The following TCF7L2 variants were observed in gnomAD, a reference collection of about 807,000 sequenced individuals.
TCF7L2 encodes the protein transcription factor 7 like 2, also known as transcription factor 7-like 2.
Under a neutral mutation model 77.9 loss-of-function variants are expected in TCF7L2, and 23 were observed. The observed-to-expected ratio is 0.30, with a 90% CI of 0.21 to 0.42. The LOEUF (loss-of-function observed/expected upper bound fraction) is 0.42. Ranked by LOEUF, TCF7L2 falls within the 10% of genes least tolerant of loss-of-function variation. The pLI is 1.00. For missense variants in TCF7L2, 654 were observed against 793.1 expected (o/e 0.82, Z 2.11); for synonymous variants, 413 against 340.2 (o/e 1.21, Z -2.36).
rs1330493655 is a variant in TCF7L2, at chr10:113,146,080, C to G, written c.858C>G (p.Val286=). The change falls in exon 8 of 14, where the codon GTC becomes GTG. Residue 286 remains valine, a synonymous_variant. Coordinates refer to ENST00000627217, the MANE Select transcript of TCF7L2 (RefSeq NM_001146274.2). ...ACCCCTACCCCACAGCTCTGACCGT[C>G]AATGCTTCCATGTCCAGGTGAGTTC... 1 of 1,613,722 alleles carries G rather than the reference C, an allele frequency of 6.2e-7. No individual in the cohort carries two copies. The highest frequency in any genetic ancestry group is 1.1e-5 in the South Asian group (1 of 91,034).
intron 5 of TCF7L2, chr10:113,132,943 A>C (rs2066831603): frequency 6.6e-6 from 1 of 152,228 alleles, no homozygotes; most frequent in Admixed American, 6.5e-5. Context: ...ACGCTGCCGG[A>C]GGGAGGCAGA....
rs114393264 is a variant in TCF7L2 at position 113,021,473 on chromosome 10, A to T, written c.451-18552A>T. Among the ~76,000 whole-genome samples the T allele has an allele frequency of 9.4e-3, 1,426 of 152,322 alleles. 19 individuals are homozygous for T. The highest frequency in any genetic ancestry group is 0.033 in the African/African-American group (1,352 of 41,556). Reference sequence around the variant, plus strand: ...ATGAGGCAATTACCAACTTTGGAATAAGAATAGCAACGGTGGTAAGAGCTG... The same window carrying T: ...ATGAGGCAATTACCAACTTTGGAATTAGAATAGCAACGGTGGTAAGAGCTG... On this transcript the variant is annotated intron_variant, in intron 4 of 13. Transcript: ENST00000627217.
At chr10:113,138,631 G>A (rs2067808863) in intron 5 of TCF7L2, among the ~76,000 whole-genome samples, 1 of 152,162 alleles carries the variant, frequency 6.6e-6, no homozygotes, top group East Asian at 1.9e-4. Context: ...ATAAACCACT[G>A]TAATAGATAA....
rs533049331 is a variant in TCF7L2, at chr10:113,035,048, G to T, written c.451-4977G>T. Among the ~76,000 whole-genome samples the T allele has an allele frequency of 1.1e-4, 16 of 146,958 alleles. No individual in the cohort carries two copies. In the East Asian group the frequency reaches 3.0e-3, roughly 28 times the overall value. On this transcript the variant is annotated intron_variant, in intron 4 of 13. Transcript: ENST00000627217. ...CTCTTTCTCTCTTTCTTTCAACAGG[G>T]TCTCGCTCTGAACCTTTTCCAGTCA...
chr10:112,965,631 G>A (rs143008758), intron 4 of TCF7L2, among the ~76,000 whole-genome samples: 11 of 2,754 alleles, frequency 4.0e-3, no homozygotes, highest in African/African-American at 6.3e-3. Flanking sequence ...GTGTGTATAT[G>A]TGTGTGTGTG....
chr10:113,134,682 A>G (rs1023487800), intron 5 of TCF7L2, among the ~76,000 whole-genome samples: 1 of 152,214 alleles, frequency 6.6e-6, no homozygotes, highest in Admixed American at 6.5e-5. Flanking sequence ...TGCTGCAGCC[A>G]TAGTAAACGG....
rs1350763451 is a variant in TCF7L2 at position 113,106,154 on chromosome 10, G to T, written c.553-35030G>T. Among the ~76,000 whole-genome samples, 3 of 152,272 alleles carry T rather than the reference G, an allele frequency of 2.0e-5. No individual in the cohort carries two copies. In the East Asian group the frequency reaches 5.8e-4, roughly 29 times the overall value. On this transcript the variant is annotated intron_variant, in intron 5 of 13. Transcript: ENST00000627217. Reference sequence around the variant, plus strand: ...TGCACTGAGAATATTAATGCAAACAGACCCCAACCAGAGTAATGTGTTCAC... The same window carrying T: ...TGCACTGAGAATATTAATGCAAACATACCCCAACCAGAGTAATGTGTTCAC...
Position 113,034,916 on chromosome 10 carries a change from T to C in TCF7L2, c.451-5109T>C, listed in dbSNP as rs542309571. ...ATCTCAAAAATACCATAATTCGTTT[T>C]GTCTTTTCTTTACTTTTTTCTTTCC... On this transcript the variant is annotated intron_variant, in intron 4 of 13. Transcript: ENST00000627217. 2.2e-4 allele frequency among the ~76,000 whole-genome samples: 34 copies of C among 152,142 alleles called. No individual in the cohort carries two copies. The South Asian group carries it at 2.5e-3, about 11-fold the overall frequency.
chr10:113,007,990 C>T (rs4526711), intron 4 of TCF7L2, among the ~76,000 whole-genome samples: 152,185 of 152,312 alleles, frequency 1, 76,029 homozygotes, highest in Middle Eastern at 1. Context: ...CTTGGGGAAG[C>T]GTGCAGCCCA....
At position 112,964,119 on chromosome 10, in the gene TCF7L2, C is replaced by G. The variant is rs568229250; in HGVS notation, c.382-437C>G. 3.9e-5 allele frequency among the ~76,000 whole-genome samples: 6 copies of G among 152,304 alleles called. No individual in the cohort carries two copies. In the South Asian group the frequency reaches 1.2e-3, roughly 32 times the overall value. On this transcript the variant is annotated intron_variant, in intron 3 of 13. Coordinates refer to ENST00000627217, the MANE Select transcript of TCF7L2 (RefSeq NM_001146274.2). ...GGGGATGGGGTGCTTGTACTTGTTG[C>G]AGTCTTGTGGCTTCTCATAATCTTT...
chr10:113,086,213 A>C (rs1036708257), intron 5 of TCF7L2, among the ~76,000 whole-genome samples: 7 of 152,172 alleles, frequency 4.6e-5, no homozygotes, highest in African/African-American at 1.7e-4. Flanking sequence ...ATGGACAACT[A>C]TGGAGGCCAA....
intron 4 of TCF7L2, among the ~76,000 whole-genome samples, chr10:112,968,025 A>G (rs889371016): frequency 1.3e-5 from 2 of 152,258 alleles, no homozygotes; most frequent in African/African-American, 4.8e-5. Context: ...CATGTAACAT[A>G]GTACACAGAA....
intron 4 of TCF7L2, among the ~76,000 whole-genome samples, chr10:113,014,756 A>T (rs894125062): frequency 3.9e-5 from 6 of 152,210 alleles, no homozygotes; most frequent in Admixed American, 3.3e-4. Flanking sequence ...ACTGCCCTCC[A>T]GCCTGGGCGA....
chr10:113,044,063 T>G (rs905634211), intron 5 of TCF7L2, among the ~76,000 whole-genome samples: 3 of 152,246 alleles, frequency 2.0e-5, no homozygotes, highest in Non-Finnish European at 4.4e-5. Flanking sequence ...GAAGTCGATG[T>G]AGAATTTTAC....
chr10:112,965,101 T>C (rs1336370839), intron 4 of TCF7L2, among the ~76,000 whole-genome samples: 1 of 152,066 alleles, frequency 6.6e-6, no homozygotes, highest in Non-Finnish European at 1.5e-5. Context: ...TTGTTTCTGG[T>C]GGATCAAAAT....
chr10:113,043,943 CA>C (rs1238123676), intron 5 of TCF7L2, among the ~76,000 whole-genome samples: 1 of 151,762 alleles, frequency 6.6e-6, no homozygotes, highest in Non-Finnish European at 1.5e-5. Flanking sequence ...TTGTATCCAG[CA>C]AAAAAAGATT....
intron 12 of TCF7L2, chr10:113,159,956 G>A (rs2072854607): frequency 6.2e-7 from 1 of 1,609,004 alleles, no homozygotes; most frequent in Non-Finnish European, 8.5e-7. Flanking sequence ...GCGCGCTTTG[G>A]CCTTGATCAA....
In TCF7L2 at chr10:113,039,971, C is replaced by T. The variant is rs2052145296; in HGVS notation, c.451-54C>T. 6.6e-6 allele frequency: 10 copies of T among 1,510,052 alleles called. No individual in the cohort carries two copies. In the South Asian group the frequency reaches 1.0e-4, roughly 16 times the overall value. 93.5% of individuals were successfully genotyped at this position (1,510,052 alleles called of 1,614,324 possible). On this transcript the variant is annotated intron_variant, in intron 4 of 13. Coordinates refer to ENST00000627217, the MANE Select transcript of TCF7L2 (RefSeq NM_001146274.2). ...GTTATTTCTTGGGCTAGTTGTTCTG[C>T]ATTTACTTTCTGAATTCATTGTTTT... is the stretch of plus-strand genomic sequence containing the variant.
At chr10:112,952,754 C>CG (rs941824183) in intron 3 of TCF7L2, among the ~76,000 whole-genome samples, 2 of 152,200 alleles carry the variant, frequency 1.3e-5, no homozygotes, top group South Asian at 2.1e-4. Context: ...GTGCCGGGCT[C>CG]GGGGGGCGCT....
Sources: allele counts gnomAD v4.1 joint callset (sites outside exome capture counted in the v4.1 genomes callset), GRCh38; gene constraint gnomAD v4.1.1; transcripts MANE v1.5; gene names NCBI Gene and HGNC (gene_info 2026-07-23, HGNC 2026-07-21).